CEP128: variants seen among roughly 807,000 people sequenced by gnomAD.
CEP128 encodes centrosomal protein 128, also known as centrosomal protein 128kDa.
A neutral mutation model predicts 156.7 loss-of-function variants in CEP128; 132 were observed. The observed-to-expected ratio is 0.84, with a 90% confidence interval of 0.73 to 0.97. CEP128 has a LOEUF of 0.97. Ranked by LOEUF, CEP128 falls within the 50% of genes least tolerant of loss-of-function variation. The pLI is 0.00. For missense variants in CEP128, 1,252 were observed against 1,281.9 expected (o/e 0.98, Z 0.36); for synonymous variants, 469 against 448.9 (o/e 1.04, Z -0.57).
intron 20 of CEP128, among the ~76,000 whole-genome samples, chr14:80,578,886 A>T (rs1891470087): frequency 6.6e-6 from 1 of 152,090 alleles, no homozygotes; most frequent in Non-Finnish European, 1.5e-5. Flanking sequence ...TCAACATTTA[A>T]CTCTTCTGCT....
intron 19 of CEP128, among the ~76,000 whole-genome samples, chr14:80,731,181 A>C (rs1308690980): frequency 6.6e-6 from 1 of 152,182 alleles, no homozygotes; most frequent in Admixed American, 6.5e-5. Context: ...GTTGGTTTCA[A>C]TTTAGAAGGC....
At chr14:80,916,895 A>C (rs559322000) in intron 2 of CEP128, among the ~76,000 whole-genome samples, 2 of 152,286 alleles carry the variant, frequency 1.3e-5, no homozygotes, top group East Asian at 3.9e-4. Context: ...CCTACCAACA[A>C]CACCATAAGG....
chr14:80,508,787 C>T (rs933115453), intron 23 of CEP128, among the ~76,000 whole-genome samples: 14 of 151,996 alleles, frequency 9.2e-5, no homozygotes, highest in Non-Finnish European at 1.5e-4. Flanking sequence ...TTTATGGGTA[C>T]AGCACAGTTG....
chr14:80,667,789 C>A (rs1367532654), intron 19 of CEP128, among the ~76,000 whole-genome samples: 1 of 141,694 alleles, frequency 7.1e-6, no homozygotes, highest in Middle Eastern at 3.8e-3. Context: ...ACCCGGGAGG[C>A]AGAGCTTACA....
intron 19 of CEP128, among the ~76,000 whole-genome samples, chr14:80,677,729 G>T (rs1896123003): frequency 6.6e-6 from 1 of 151,736 alleles, no homozygotes; most frequent in Admixed American, 6.6e-5. Context: ...AGTGAAAAGG[G>T]ACTGATCTAG....
downstream of CEP128, among the ~76,000 whole-genome samples, chr14:80,491,695 A>C (rs142466744): frequency 1.2e-3 from 180 of 152,316 alleles, no homozygotes; most frequent in Admixed American, 2.6e-3. Context: ...ATCACTCTGC[A>C]CCCAGACCCA....
intron 16 of CEP128, among the ~76,000 whole-genome samples, chr14:80,769,467 C>G (rs327470): frequency 0.34 from 51,930 of 151,684 alleles, 9,333 homozygotes; most frequent in South Asian, 0.5. Context: ...TGTGACGTTC[C>G]CATTGTTCAG....
chr14:80,669,901 C>A (rs947221941), intron 19 of CEP128, among the ~76,000 whole-genome samples: 1 of 152,094 alleles, frequency 6.6e-6, no homozygotes. Context: ...GTTCTGCAGG[C>A]TGTACAGGAA....
chr14:80,861,708 C>CG (rs1887520497), intron 9 of CEP128, among the ~76,000 whole-genome samples: 1 of 152,078 alleles, frequency 6.6e-6, no homozygotes, highest in East Asian at 1.9e-4. Flanking sequence ...TATCCTGGAT[C>CG]AGGAAAGGAC....
chr14:80,687,247 C>T (rs558402233), intron 19 of CEP128, among the ~76,000 whole-genome samples: 5 of 152,056 alleles, frequency 3.3e-5, no homozygotes, highest in South Asian at 2.1e-4. Flanking sequence ...GCACAATCAA[C>T]AAATGGTTCT....
chr14:80,793,482 C>A (rs1315524211), intron 13 of CEP128, among the ~76,000 whole-genome samples: 1 of 152,110 alleles, frequency 6.6e-6, no homozygotes, highest in Non-Finnish European at 1.5e-5. Flanking sequence ...GTCAGGTTAT[C>A]AGAGAACTAT....
At chr14:80,537,524 T>C (rs1193952035) in intron 21 of CEP128, among the ~76,000 whole-genome samples, 1 of 152,172 alleles carries the variant, frequency 6.6e-6, no homozygotes, top group Non-Finnish European at 1.5e-5. Flanking sequence ...ATGTTCTCTG[T>C]GTGCTGAACA....
chr14:80,491,742 T>C (rs1201706365), downstream of CEP128, among the ~76,000 whole-genome samples: 3 of 152,106 alleles, frequency 2.0e-5, no homozygotes, highest in Non-Finnish European at 4.4e-5. Flanking sequence ...ACATGAAGGA[T>C]TACTGCAACT....
At chr14:80,696,394 T>C (rs1896892944) in intron 19 of CEP128, among the ~76,000 whole-genome samples, 1 of 152,164 alleles carries the variant, frequency 6.6e-6, no homozygotes, top group South Asian at 2.1e-4. Flanking sequence ...ATTTGGATGA[T>C]ACTTAAAACA....
At chr14:80,879,462 A>T (rs1888428571) in intron 8 of CEP128, among the ~76,000 whole-genome samples, 1 of 152,200 alleles carries the variant, frequency 6.6e-6, no homozygotes, top group African/African-American at 2.4e-5. Context: ...AAAACAACTC[A>T]TGATCTGAAT....
At chr14:80,573,488 G>A (rs971500179) in intron 20 of CEP128, among the ~76,000 whole-genome samples, 2 of 151,970 alleles carry the variant, frequency 1.3e-5, no homozygotes, top group African/African-American at 2.4e-5. Flanking sequence ...AATCAACTTC[G>A]ATATATTCAG....
intron 17 of CEP128, among the ~76,000 whole-genome samples, chr14:80,758,905 G>C (rs992924628): frequency 1.3e-5 from 2 of 152,104 alleles, no homozygotes; most frequent in African/African-American, 4.8e-5. Context: ...ACTTATCCAA[G>C]GTCATATATT....
chr14:80,776,163 A>G (rs1252336488), intron 16 of CEP128, among the ~76,000 whole-genome samples: 1 of 152,128 alleles, frequency 6.6e-6, no homozygotes, highest in Non-Finnish European at 1.5e-5. Flanking sequence ...ATTTTTCACC[A>G]CTATTTCTTA....
intron 19 of CEP128, among the ~76,000 whole-genome samples, chr14:80,629,577 G>C (rs562454002): frequency 1.3e-5 from 2 of 150,832 alleles, no homozygotes; most frequent in Non-Finnish European, 3.0e-5. Flanking sequence ...TTTAGAAATC[G>C]GTCACTAATA....
Sources: gnomAD v4.1 joint callset for allele counts (sites outside exome capture counted in the v4.1 genomes callset) on GRCh38, gnomAD v4.1.1 for gene constraint, MANE v1.5 for transcripts, NCBI Gene and HGNC (gene_info 2026-07-23, HGNC 2026-07-21) for gene names.